ATXN3: variants seen among roughly 807,000 people sequenced by gnomAD.
ATXN3 encodes ataxin-3.
In ATXN3, 28 loss-of-function variants were observed where a neutral mutation model predicts 58.2. The ratio of observed to expected loss-of-function variants is 0.48; its 90% CI spans 0.36 to 0.66. The LOEUF (loss-of-function observed/expected upper bound fraction) is 0.66. Ranked by LOEUF, ATXN3 falls within the 30% of genes least tolerant of loss-of-function variation. The pLI is 0.00. For synonymous variants in ATXN3, 113 were observed against 138.5 expected, an observed-to-expected ratio of 0.82 and a Z score of 1.29; for missense variants, 321 against 422.1, an observed-to-expected ratio of 0.76 and a Z score of 2.10.
At position 92,086,253 on chromosome 14, in the gene ATXN3, C is replaced by CAAAAAAAAAAAA. The variant is rs869147623; in HGVS notation, c.475+2465_475+2476dup. On this transcript the variant is annotated intron_variant, in intron 6 of 10. Coordinates refer to ENST00000644486, the MANE Select transcript of ATXN3 (RefSeq NM_004993.6). ...TGAAACCCTGTCTCTACTAAAAATA[C>CAAAAAAAAAAAA]AAAAAAAAAAAAAAAAAATTTAGCC... Among the ~76,000 whole-genome samples the CAAAAAAAAAAAA allele has an allele frequency of 2.8e-3, 267 of 94,870 alleles. 8 individuals carry two copies. The highest frequency in any genetic ancestry group is 0.01 in the African/African-American group (231 of 22,884). 62.2% of individuals were successfully genotyped at this position (94,870 alleles called of 152,430 possible).
chr14:92,098,574 C>A (rs2065957658), intron 1 of ATXN3, among the ~76,000 whole-genome samples: 1 of 152,118 alleles, frequency 6.6e-6, no homozygotes, highest in African/African-American at 2.4e-5. Flanking sequence ...GGTAACAGAG[C>A]AAGACTCTGT....
intron 1 of ATXN3, among the ~76,000 whole-genome samples, chr14:92,100,689 G>A (rs894349639): frequency 1.3e-5 from 2 of 152,144 alleles, no homozygotes; most frequent in African/African-American, 4.8e-5. Flanking sequence ...TATGATGTCA[G>A]AATTCAGCAT....
chr14:92,100,139 T>A (rs1282566211), intron 1 of ATXN3, among the ~76,000 whole-genome samples: 1 of 152,172 alleles, frequency 6.6e-6, no homozygotes, highest in Non-Finnish European at 1.5e-5. Flanking sequence ...AGATTAGAGA[T>A]ACAGAAACTG....
rs556355638 is a variant in ATXN3 at position 92,078,151 on chromosome 14, T to C, written c.872+2814A>G. Among the ~76,000 whole-genome samples, 49 of 151,744 alleles carry C rather than the reference T, an allele frequency of 3.2e-4. No individual in the cohort carries two copies. The East Asian group carries it at 8.0e-3, about 25-fold the overall frequency. On this transcript the variant is annotated intron_variant, in intron 9 of 10. Coordinates refer to ENST00000644486, the MANE Select transcript of ATXN3 (RefSeq NM_004993.6). ...CATCATGCCTGGCTAATTTTTGTAT[T>C]TTTAGTGGAGACAGGGTTTCGCCAT...
chr14:92,085,839 AGAT>A (rs1241683535), intron 6 of ATXN3, among the ~76,000 whole-genome samples: 1 of 152,218 alleles, frequency 6.6e-6, no homozygotes, highest in Non-Finnish European at 1.5e-5. Flanking sequence ...TCTTATTTAC[AGAT>A]GATATTTAAG....
upstream of ATXN3, among the ~76,000 whole-genome samples, chr14:92,052,990 G>A (rs1031490383): frequency 1.3e-5 from 2 of 152,012 alleles, no homozygotes; most frequent in Non-Finnish European, 2.9e-5. Context: ...AGTGGCTCAC[G>A]CCTGTAATCC....
chr14:92,066,916 C>A (rs111669194), intron 10 of ATXN3, among the ~76,000 whole-genome samples: 17,803 of 151,856 alleles, frequency 0.12, 1,121 homozygotes, highest in African/African-American at 0.16. Context: ...ATTATAGGTG[C>A]GTGCCACCAC....
rs1365818687 is a variant in ATXN3, at chr14:92,060,871, TACAGGC to T, written c.*3443_*3448del. 6.6e-6 allele frequency: 1 copy of T among 152,120 alleles called. No individual in the cohort carries two copies. Among genetic ancestry groups the T allele is most frequent in the Non-Finnish European group, 1.5e-5 (1 of 68,064 alleles). 9.4% of individuals were successfully genotyped at this position (152,120 alleles called of 1,614,324 possible). A position where few individuals can be genotyped will look rare whatever the true frequency, so the allele number is the denominator to read the frequency against. On this transcript the variant is annotated 3_prime_UTR_variant, in exon 11 of 11. Coordinates refer to ENST00000644486, the MANE Select transcript of ATXN3 (RefSeq NM_004993.6). ...CCTCAGACTCCCAGGTAGCTGGGAT[TACAGGC>T]ACCTGCCACCGCGCCCAGCTAATTT...
In ATXN3 at chr14:92,093,957, T is replaced by G. The variant is rs2064526663; in HGVS notation, c.235-126A>C. On this transcript the variant is annotated intron_variant, in intron 3 of 10. Transcript: ENST00000644486. ...AGAAGGCTATAGGTTTTTTTTTTTT[T>G]TTTTGTGACAGAGTCTTGCTCTGTC... 5.3e-6 allele frequency: 3 copies of G among 563,418 alleles called. 1 individual carries two copies. The highest frequency in any genetic ancestry group is 9.4e-6 in the Non-Finnish European group (3 of 320,088). 34.9% of individuals were successfully genotyped at this position (563,418 alleles called of 1,614,324 possible).
intron 9 of ATXN3, among the ~76,000 whole-genome samples, chr14:92,072,694 TAAAAAAA>T (rs33967699): frequency 7.7e-5 from 7 of 90,978 alleles, no homozygotes; most frequent in Admixed American, 3.9e-4. Context: ...AGCTATAGGT[TAAAAAAA>T]AAAAAAAAAA....
chr14:92,055,030 C>T (rs1050365273), downstream of ATXN3, among the ~76,000 whole-genome samples: 5 of 152,092 alleles, frequency 3.3e-5, no homozygotes. The surrounding 1 kb of genome is among the most constrained non-coding windows in gnomAD (Gnocchi z 4.5). Flanking sequence ...TACAGGCGTA[C>T]GCCACCACAC....
At position 92,088,727 on chromosome 14, in the gene ATXN3, T is replaced by C. The variant is rs2063127676; in HGVS notation, c.475+3A>G. ...CATTACAAAATGTTCAGCCGTTACT[T>C]ACCTTCCTGTTGTAATTGAGCCAAG... On this transcript the variant is annotated splice_donor_region_variant and intron_variant, in intron 6 of 10. Transcript: ENST00000644486. 1.3e-6 allele frequency: 2 copies of C among 1,579,650 alleles called. No individual in the cohort carries two copies. The highest frequency in any genetic ancestry group is 1.7e-6 in the Non-Finnish European group (2 of 1,149,468).
At chr14:92,078,662 C>T (rs1486776553) in intron 9 of ATXN3, among the ~76,000 whole-genome samples, 14 of 152,052 alleles carry the variant, frequency 9.2e-5, no homozygotes, top group Non-Finnish European at 2.9e-5. Context: ...CGCGCCTGGC[C>T]TTAGATTTAT....
intron 1 of ATXN3, among the ~76,000 whole-genome samples, chr14:92,105,068 A>AC (rs1566997383): frequency 6.6e-6 from 1 of 152,122 alleles, no homozygotes; most frequent in Admixed American, 6.6e-5. Flanking sequence ...TTCCTCCCCC[A>AC]CTGAACATCA....
intron 10 of ATXN3, among the ~76,000 whole-genome samples, chr14:92,067,300 A>C (rs2058622172): frequency 6.6e-6 from 1 of 152,144 alleles, no homozygotes; most frequent in African/African-American, 2.4e-5. Flanking sequence ...CAGCTTTTTC[A>C]ATCTGTAGGT....
intron 3 of ATXN3, 110 bp from the exon 4 acceptor site, chr14:92,093,941 T>C (rs924577393): frequency 8.2e-6 from 5 of 606,176 alleles, no homozygotes; most frequent in South Asian, 4.2e-5. Context: ...TAGAAGGCTA[T>C]AGGTTTTTTT....
chr14:92,055,666 A>G (rs1317875237), downstream of ATXN3, among the ~76,000 whole-genome samples: 2 of 152,212 alleles, frequency 1.3e-5, no homozygotes, highest in Admixed American at 1.3e-4. This position sits in a 1 kb window ranked among gnomAD's most constrained non-coding sequence, Gnocchi z 4.5. Context: ...GGTGGCTCAA[A>G]GCAGTTAAAT....
chr14:92,066,391 T>C (rs2058403489), intron 10 of ATXN3, among the ~76,000 whole-genome samples: 1 of 152,126 alleles, frequency 6.6e-6, no homozygotes, highest in Non-Finnish European at 1.5e-5. Flanking sequence ...GGAAAGTCTA[T>C]TGTGTTTACC....
chr14:92,104,600 T>C (rs2067728459), intron 1 of ATXN3, among the ~76,000 whole-genome samples: 1 of 152,180 alleles, frequency 6.6e-6, no homozygotes, highest in Non-Finnish European at 1.5e-5. Flanking sequence ...CATGTTGAAA[T>C]GTGGTCCCAC....
Sources: allele counts gnomAD v4.1 joint callset (sites outside exome capture counted in the v4.1 genomes callset), GRCh38; gene constraint gnomAD v4.1.1; non-coding constraint Gnocchi (gnomAD v3.1); transcripts MANE v1.5; gene names NCBI Gene and HGNC (gene_info 2026-07-23, HGNC 2026-07-21).